The following CAMTA1 variants were observed in gnomAD, a reference collection of about 807,000 sequenced individuals.
The protein encoded by CAMTA1 is calmodulin-binding transcription activator 1.
Under a neutral mutation model 170.9 loss-of-function variants are expected in CAMTA1, and 27 were observed. That is an observed-to-expected ratio of 0.16 (90% confidence interval 0.12 to 0.22). The LOEUF (loss-of-function observed/expected upper bound fraction) is 0.22, where lower values mean the gene tolerates loss of function less well. Among genes scored for constraint, CAMTA1 ranks in the 10% least tolerant of loss-of-function variants. The probability of loss-of-function intolerance (pLI) is 1.00; values close to 1 mark genes in which losing one functional copy is unlikely to be tolerated. For synonymous variants in CAMTA1, 833 were observed against 891.5 expected, an observed-to-expected ratio of 0.93 and a Z score of 1.17; for missense variants, 1,619 against 2,217.2, an observed-to-expected ratio of 0.73 and a Z score of 5.42.
At chr1:6,896,888 A>T (rs1172969214) in intron 3 of CAMTA1, among the ~76,000 whole-genome samples, 1 of 152,154 alleles carries the variant, frequency 6.6e-6, no homozygotes, top group Non-Finnish European at 1.5e-5. Context: ...GCAACTTTTC[A>T]TTCTTGTTGC....
At chr1:6,961,763 C>A (rs186455781) in intron 3 of CAMTA1, among the ~76,000 whole-genome samples, 1 of 152,222 alleles carries the variant, frequency 6.6e-6, no homozygotes, top group Non-Finnish European at 1.5e-5. Context: ...ACCAGCCCAG[C>A]TTGAATGTTT....
At chr1:7,364,923 C>T (rs532501370) in intron 5 of CAMTA1, among the ~76,000 whole-genome samples, 2 of 152,370 alleles carry the variant, frequency 1.3e-5, no homozygotes, top group African/African-American at 4.8e-5. Flanking sequence ...ACTGCTTTCT[C>T]AGATCAGTCC....
chr1:7,051,176 C>G (rs1205276917), intron 3 of CAMTA1, among the ~76,000 whole-genome samples: 1 of 152,104 alleles, frequency 6.6e-6, no homozygotes, highest in Non-Finnish European at 1.5e-5. Context: ...TACAGCACCT[C>G]GGGTCTGAAC....
At chr1:7,096,481 C>T (rs1642093143) in intron 4 of CAMTA1, among the ~76,000 whole-genome samples, 1 of 152,182 alleles carries the variant, frequency 6.6e-6, no homozygotes, top group African/African-American at 2.4e-5. Flanking sequence ...TTATGATCTC[C>T]AGCTCGCCAT....
rs1223865500 is a variant in CAMTA1 at position 7,685,367 on chromosome 1, C to T, written c.2914+7634C>T. ...ACGGCCATGGGGCAGCAGGATAGGGCGGCCTCCCACAGCCACCTGCCATGA... is the reference window on the plus strand; with the variant it reads ...ACGGCCATGGGGCAGCAGGATAGGGTGGCCTCCCACAGCCACCTGCCATGA... On this transcript the variant is annotated intron_variant, in intron 11 of 22. Transcript: ENST00000303635. This position sits in a 1 kb window ranked among gnomAD's most constrained non-coding sequence, Gnocchi z 5.7. 6.6e-6 allele frequency among the ~76,000 whole-genome samples: 1 copy of T among 152,160 alleles called. No individual in the cohort carries two copies. Among genetic ancestry groups the T allele is most frequent in the Non-Finnish European group, 1.5e-5 (1 of 68,022 alleles).
chr1:7,663,700 G>A lies in CAMTA1; in HGVS notation c.1153G>A (p.Ala385Thr). Residue 385 changes from alanine (A) to threonine (T), a missense_variant, in exon 9 of 23, where the codon GCG (alanine) becomes ACG (threonine). This residue lies in a region of CAMTA1 where 731 missense variants were observed against 907.6 expected (regional missense o/e 0.81). Coordinates refer to ENST00000303635, the MANE Select transcript of CAMTA1 (RefSeq NM_015215.4). ...SPVVTGVSGM[A>T]VASVMGSLSQ... is the part of the protein sequence containing the mutation. ...GGTGGTCACAGGTGTGTCCGGTATG[G>A]CGGTGGCCTCTGTGATGGGGAGCTT... is the stretch of plus-strand genomic sequence containing the variant. The A allele has an allele frequency of 6.2e-7, 1 of 1,614,108 alleles. No individual in the cohort carries two copies. The highest frequency in any genetic ancestry group is 1.3e-5 in the African/African-American group (1 of 75,034).
rs916286314 is a variant in CAMTA1 at position 7,489,884 on chromosome 1, C to T, written c.510+21983C>T. Among the ~76,000 whole-genome samples the T allele has an allele frequency of 5.3e-5, 8 of 152,296 alleles. No homozygotes were observed. In the South Asian group the frequency reaches 1.0e-3, roughly 20 times the overall value. ...TCCTCCATGTCTGGCCCCGAGCAGA[C>T]GGGGTGACTGGCTACTGGCATCATC... On this transcript the variant is annotated intron_variant, in intron 6 of 22. Coordinates refer to ENST00000303635, the MANE Select transcript of CAMTA1 (RefSeq NM_015215.4).
intron 5 of CAMTA1, chr1:7,382,753 T>C (rs2087477808): frequency 6.6e-6 from 1 of 152,108 alleles, no homozygotes; most frequent in Non-Finnish European, 1.5e-5. Context: ...AGGACAACAA[T>C]ATTTGACATA....
At chr1:7,156,040 G>A (rs984975653) in intron 4 of CAMTA1, among the ~76,000 whole-genome samples, 3 of 151,946 alleles carry the variant, frequency 2.0e-5, no homozygotes, top group African/African-American at 4.8e-5. Context: ...ATCACCTGAG[G>A]TCAGGAGTTT....
At chr1:7,124,772 C>T (rs956512213) in intron 4 of CAMTA1, among the ~76,000 whole-genome samples, 13 of 152,186 alleles carry the variant, frequency 8.5e-5, no homozygotes, top group African/African-American at 1.9e-4. Context: ...GTGCATGGGA[C>T]GAATGAACTT....
At chr1:7,382,862 A>AGAT (rs2087499763) in intron 5 of CAMTA1, 1 of 137,546 alleles carries the variant, frequency 7.3e-6, no homozygotes, top group Non-Finnish European at 1.6e-5. Flanking sequence ...ATAGATAGAT[A>AGAT]GATAGATAGA....
chr1:7,581,327 C>T (rs561618479), intron 6 of CAMTA1, among the ~76,000 whole-genome samples: 7 of 152,216 alleles, frequency 4.6e-5, no homozygotes, highest in Non-Finnish European at 5.9e-5. Flanking sequence ...CAACAGTGTC[C>T]GTTCTCTCAC....
intron 5 of CAMTA1, among the ~76,000 whole-genome samples, chr1:7,428,442 A>G (rs1366666105): frequency 6.7e-6 from 1 of 149,966 alleles, no homozygotes; most frequent in Non-Finnish European, 1.5e-5. Context: ...GCCGATCACC[A>G]CATCAGGGAT....
In CAMTA1 at chr1:6,971,872, C is replaced by A. The variant is rs181809230; in HGVS notation, c.235-119432C>A. On this transcript the variant is annotated intron_variant, in intron 3 of 22. Coordinates refer to ENST00000303635, the MANE Select transcript of CAMTA1 (RefSeq NM_015215.4). The surrounding 1 kb of genome is among the most constrained non-coding windows in gnomAD (Gnocchi z 4.6). ...CGCTGCCATTGGCGTCAGCAAGGCC[C>A]GTCAGCCTCCCCAAAAAGCCAGAGC... Among the ~76,000 whole-genome samples the A allele has an allele frequency of 2.6e-5, 4 of 152,224 alleles. No individual in the cohort carries two copies. Among genetic ancestry groups the A allele is most frequent in the African/African-American group, 9.6e-5 (4 of 41,456 alleles).
chr1:7,689,694 A>C (rs1055540933), intron 11 of CAMTA1, among the ~76,000 whole-genome samples: 18 of 152,218 alleles, frequency 1.2e-4, no homozygotes, highest in African/African-American at 4.3e-4. Flanking sequence ...TTCTGGAAGG[A>C]ACCCAGGCCC....
intron 4 of CAMTA1, among the ~76,000 whole-genome samples, chr1:7,103,949 A>G (rs1206685566): frequency 1.3e-5 from 2 of 151,032 alleles, no homozygotes; most frequent in African/African-American, 4.9e-5. Flanking sequence ...TACAGCACAC[A>G]CGTACATACA....
At chr1:6,859,551 G>C (rs1310062646) in intron 3 of CAMTA1, among the ~76,000 whole-genome samples, 2 of 152,188 alleles carry the variant, frequency 1.3e-5, no homozygotes, top group Non-Finnish European at 2.9e-5. Flanking sequence ...CAGTTTGAAA[G>C]GTCTGGGCAG....
rs146252158 is a variant in CAMTA1, at chr1:7,729,114, C to CTTT, written c.2915-3327_2915-3325dup. On this transcript the variant is annotated intron_variant, in intron 11 of 22. Transcript: ENST00000303635. Reference sequence around the variant, plus strand: ...TTTATTAGAAATTAATATGAGGAATCTTTTTTTTTCTTTTTTTTTTGAGAC... The same window carrying CTTT: ...TTTATTAGAAATTAATATGAGGAATCTTTTTTTTTTTTCTTTTTTTTTTGAGAC... Among the ~76,000 whole-genome samples the CTTT allele has an allele frequency of 4.6e-4, 65 of 142,340 alleles. 3 individuals carry two copies. Among genetic ancestry groups the CTTT allele is most frequent in the Middle Eastern group, 3.7e-3 (1 of 268 alleles). 93.4% of individuals were successfully genotyped at this position (142,340 alleles called of 152,430 possible).
At chr1:6,920,133 T>C (rs1681687557) in intron 3 of CAMTA1, among the ~76,000 whole-genome samples, 1 of 152,232 alleles carries the variant, frequency 6.6e-6, no homozygotes, top group Non-Finnish European at 1.5e-5. Context: ...GCTATGAGCC[T>C]GTAAAATCAA....
Sources: allele counts gnomAD v4.1 joint callset (sites outside exome capture counted in the v4.1 genomes callset), GRCh38; gene constraint gnomAD v4.1.1; regional missense constraint gnomAD v4.1.1; non-coding constraint Gnocchi (gnomAD v3.1); transcripts MANE v1.5; gene names NCBI Gene and HGNC (gene_info 2026-07-23, HGNC 2026-07-21).